Variants in ANKRD35 observed in about 807,000 individuals in gnomAD.
ANKRD35 encodes ankyrin repeat domain 35.
In ANKRD35, 102 loss-of-function variants were observed where a neutral mutation model predicts 109.9. The ratio of observed to expected loss-of-function variants is 0.93; its 90% CI spans 0.79 to 1.09. The LOEUF is 1.09. Among genes scored for constraint, ANKRD35 ranks in the 50% least tolerant of loss-of-function variants. The probability of loss-of-function intolerance (pLI) is 0.00; values close to 1 mark genes in which losing one functional copy is unlikely to be tolerated. For synonymous variants in ANKRD35, 515 were observed against 512.4 expected (o/e 1.01, Z -0.07); for missense variants, 1,240 against 1,230.1 (o/e 1.01, Z -0.12).
At chr1:145,885,354 G>A (rs1390837890) in intron 1 of ANKRD35, among the ~76,000 whole-genome samples, 1 of 152,118 alleles carries the variant, frequency 6.6e-6, no homozygotes, top group Non-Finnish European at 1.5e-5. Flanking sequence ...CTTGAGGCCA[G>A]GCAGGGGCTG....
rs184713985 is a variant in ANKRD35 at position 145,867,197 on chromosome 1, G to A, written c.*43+90C>T. 41 of 857,760 alleles carry A rather than the reference G, an allele frequency of 4.8e-5. No homozygotes were observed. In the African/African-American group the frequency reaches 6.5e-4, roughly 14 times the overall value. The allele number at this position is 857,760 out of a possible 1,614,324, so 53.1% of individuals were successfully genotyped here. A position where few individuals can be genotyped will look rare whatever the true frequency, so the allele number is the denominator to read the frequency against. On this transcript the variant is annotated intron_variant, in intron 13 of 13. Transcript: ENST00000355594. ...AGGCTCCCCATTGTCAGCCACCACG[G>A]GGGCAAAAGGGACTAATTTCATTCC...
rs781984335 is a variant in ANKRD35 at position 145,872,790 on chromosome 1, G to A, written c.1979C>T (p.Pro660Leu). The change falls in exon 10 of 14, where the codon CCA becomes CTA. Residue 660 changes from proline (P) to leucine (L), a missense_variant. Transcript: ENST00000355594. ...QRLQREFVPK[P>L]QAQVQLQQLR... ...CTGCTGTAGCTGGACCTGCGCCTGT[G>A]GCTTGGGCACAAACTCCCGCTGCAG... is the stretch of plus-strand genomic sequence containing the variant. The A allele has an allele frequency of 1.2e-6, 2 of 1,613,906 alleles. No homozygotes were observed. The highest frequency in any genetic ancestry group is 2.2e-5 in the East Asian group (1 of 44,888).
chr1:145,872,629 C>T lies in ANKRD35; in HGVS notation c.2140G>A (p.Gly714Ser), dbSNP rs1173149317. 1 of 1,614,030 alleles carries T rather than the reference C, an allele frequency of 6.2e-7. No homozygotes were observed. The highest frequency in any genetic ancestry group is 8.5e-7 in the Non-Finnish European group (1 of 1,179,956). Reference protein sequence around the residue: ...LWDCLPADLVGERSAQSKAAE... With the variant: ...LWDCLPADLVSERSAQSKAAE... The stretch of plus-strand genomic sequence containing the variant: ...GCTTTGCTTTGTGCACTCCTCTCGC[C>T]CACTAGGTCTGCGGGCAGGCAGTCC... Residue 714 changes from glycine (G) to serine (S), a missense_variant, in exon 10 of 14, where the codon GGC (glycine) becomes AGC (serine). Gly to Ser is a moderately conservative substitution (Grantham distance 56, BLOSUM62 0). Coordinates refer to ENST00000355594, the MANE Select transcript of ANKRD35 (RefSeq NM_144698.5).
intron 7 of ANKRD35, among the ~76,000 whole-genome samples, chr1:145,875,570 G>C (rs1156647374): frequency 1.3e-5 from 2 of 150,166 alleles, no homozygotes; most frequent in Non-Finnish European, 3.0e-5. Context: ...TTTTGAGACG[G>C]AGTCTCGCTC....
chr1:145,880,016 G>A (rs911997637), intron 1 of ANKRD35, among the ~76,000 whole-genome samples: 4 of 152,126 alleles, frequency 2.6e-5, no homozygotes, highest in Admixed American at 6.5e-5. Flanking sequence ...TTTGGCGACC[G>A]TCTCTCTCCT....
rs782513441 is a variant in ANKRD35, at chr1:145,872,739, G to A, written c.2030C>T (p.Thr677Ile). The change falls in exon 10 of 14, where the codon ACA (threonine) becomes ATA (isoleucine). Residue 677 changes from threonine to isoleucine, a missense_variant. Physicochemically the swap from Thr to Ile is moderately conservative, Grantham distance 89. Coordinates refer to ENST00000355594, the MANE Select transcript of ANKRD35 (RefSeq NM_144698.5). ...CTCCTTCTCCATGGCCAGTTCATTTGTCAGCAGCCCCACACTCTGTCGCAA... is the reference window on the plus strand; with the variant it reads ...CTCCTTCTCCATGGCCAGTTCATTTATCAGCAGCCCCACACTCTGTCGCAA... ...QQLRQSVGLLTNELAMEKEAT... is the reference protein window; with the variant it reads ...QQLRQSVGLLINELAMEKEAT... 4 of 1,614,078 alleles carry A rather than the reference G, an allele frequency of 2.5e-6. No homozygotes were observed. The South Asian group carries it at 3.3e-5, about 13-fold the overall frequency.
Position 145,871,153 on chromosome 1 carries a change from C to CTTTTTTTTTTTTT in ANKRD35, c.2787+816_2787+828dup, listed in dbSNP as rs59433424. Among the ~76,000 whole-genome samples, 400 of 78,124 alleles carry CTTTTTTTTTTTTT rather than the reference C, an allele frequency of 5.1e-3. 20 individuals carry two copies. Among genetic ancestry groups the CTTTTTTTTTTTTT allele is most frequent in the Non-Finnish European group, 8.2e-3 (321 of 38,954 alleles). The allele number at this position is 78,124 out of a possible 152,430, so 51.3% of individuals were successfully genotyped here. ...TCTTTCTTTCTTTCTTTTCTTTTTT[C>CTTTTTTTTTTTTT]TTTTTTTTTTTTTTTTTTTTTTTTT... On this transcript the variant is annotated intron_variant, in intron 10 of 13. Transcript: ENST00000355594.
intron 13 of ANKRD35, among the ~76,000 whole-genome samples, chr1:145,867,078 C>T (rs80185512): frequency 6.6e-6 from 1 of 152,164 alleles, no homozygotes; most frequent in Non-Finnish European, 1.5e-5. Context: ...CATAAGTCAG[C>T]CCCCTTAGTC....
chr1:145,879,478 G>A, intron 1 of ANKRD35, 90 bp from the exon 2 acceptor site: 3 of 1,319,096 alleles, frequency 2.3e-6, no homozygotes, highest in South Asian at 2.2e-5. Flanking sequence ...CCAAATGAGA[G>A]AAAAGGAACA....
chr1:145,873,085 G>T lies in ANKRD35; in HGVS notation c.1684C>A (p.Pro562Thr), dbSNP rs2101706738. ...GCTCCCTCTCTGGACTCCTGGGAAG[G>T]AACCTCAGGTTTCACCTGTAGTCCT... Reference protein sequence around the residue: ...KAGLQVKPEVPSQESREGALK... With the variant: ...KAGLQVKPEVTSQESREGALK... Residue 562 changes from proline (P) to threonine (T), a missense_variant, in exon 10 of 14, where the codon CCT (proline) becomes ACT (threonine). Coordinates refer to ENST00000355594, the MANE Select transcript of ANKRD35 (RefSeq NM_144698.5). The T allele has an allele frequency of 6.2e-7, 1 of 1,612,792 alleles. No individual in the cohort carries two copies. The highest frequency in any genetic ancestry group is 1.3e-5 in the African/African-American group (1 of 74,958).
chr1:145,874,078 A>C (rs782610310), intron 9 of ANKRD35, 77 bp downstream of exon 9: 164 of 1,610,050 alleles, frequency 1.0e-4, no homozygotes, highest in Non-Finnish European at 1.4e-4. Flanking sequence ...TGACACCCCA[A>C]GGACCACTAG....
rs1408259991 is a variant in ANKRD35, at chr1:145,878,391, C to T, written c.259G>A (p.Gly87Arg). 1.3e-6 allele frequency: 2 copies of T among 1,564,288 alleles called. No homozygotes were observed. Among genetic ancestry groups the T allele is most frequent in the Non-Finnish European group, 8.7e-7 (1 of 1,153,628 alleles). ...TGGCCCAGTGCTCCGGCTCACTCAC[C>T]ATCCTCATTCTTGCTGTTGATGTCA... ...GADINSKNEDGSTALHLATIS... is the reference protein window; with the variant it reads ...GADINSKNEDRSTALHLATIS... The change falls in exon 3 of 14, where the codon GGA becomes AGA. Residue 87 changes from glycine to arginine, a missense_variant and splice_region_variant. Transcript: ENST00000355594.
intron 12 of ANKRD35, among the ~76,000 whole-genome samples, chr1:145,867,624 T>A (rs1559170192): frequency 6.6e-6 from 1 of 152,190 alleles, no homozygotes; most frequent in Non-Finnish European, 1.5e-5. Context: ...AAGCACCAGG[T>A]ACACAATAGG....
At chr1:145,867,463 T>A (rs1653649968) in intron 12 of ANKRD35, 71 bp from the exon 13 acceptor site, 2 of 1,345,674 alleles carry the variant, frequency 1.5e-6, no homozygotes, top group Non-Finnish European at 2.1e-6. Context: ...GAGGGAGAGG[T>A]TCTGTGGTAC....
At position 145,872,409 on chromosome 1, in the gene ANKRD35, C is replaced by G; in HGVS notation, c.2360G>C (p.Gly787Ala). 6.2e-7 allele frequency: 1 copy of G among 1,613,322 alleles called. No homozygotes were observed. Among genetic ancestry groups the G allele is most frequent in the Non-Finnish European group, 8.5e-7 (1 of 1,179,886 alleles). Residue 787 changes from glycine (G) to alanine (A), a missense_variant, in exon 10 of 14, where the codon GGG becomes GCG. Coordinates refer to ENST00000355594, the MANE Select transcript of ANKRD35 (RefSeq NM_144698.5). ...PQVAALEQDLGKLEEELRAVQ... is the reference protein window; with the variant it reads ...PQVAALEQDLAKLEEELRAVQ... ...TGCCCGCAGCTCTTCCTCCAGCTTC[C>G]CCAGGTCTTGCTCCAGAGCGGCCAC...
intron 1 of ANKRD35, among the ~76,000 whole-genome samples, chr1:145,882,296 C>CTTTTTTTTT (rs57073568): frequency 3.9e-5 from 4 of 103,548 alleles, no homozygotes; most frequent in Non-Finnish European, 6.0e-5. Flanking sequence ...TCTTTCTTTC[C>CTTTTTTTTT]TTTTTTTTTT....
intron 3 of ANKRD35, 123 bp from the exon 4 acceptor site, chr1:145,878,155 C>G: frequency 1.9e-6 from 2 of 1,043,740 alleles, no homozygotes; most frequent in South Asian, 1.4e-5. Flanking sequence ...TTCAGCCACA[C>G]GGGGCCAGAA....
rs373195265 is a variant in ANKRD35 at position 145,879,395 on chromosome 1, C to T, written c.40-7G>A. 179 of 1,554,174 alleles carry T rather than the reference C, an allele frequency of 1.2e-4. No individual in the cohort carries two copies. Among genetic ancestry groups the T allele is most frequent in the Non-Finnish European group, 1.5e-4 (173 of 1,147,644 alleles). On this transcript the variant is annotated splice_polypyrimidine_tract_variant and splice_region_variant and intron_variant, in intron 1 of 13. Coordinates refer to ENST00000355594, the MANE Select transcript of ANKRD35 (RefSeq NM_144698.5). ...GGCGGTTCCATCTCTCCACCTGGTC[C>T]AGAGCCACAGGTTGTGTGAATATAG...
chr1:145,867,878 C>T (rs1553737970), intron 12 of ANKRD35, 113 bp downstream of exon 12: 5 of 1,020,030 alleles, frequency 4.9e-6, no homozygotes, highest in Non-Finnish European at 7.6e-6. Context: ...ATCCAGCTTT[C>T]CGAGAAACAG....
Sources: gnomAD v4.1 joint callset for allele counts (sites outside exome capture counted in the v4.1 genomes callset) on GRCh38, gnomAD v4.1.1 for gene constraint, MANE v1.5 for transcripts, NCBI Gene and HGNC (gene_info 2026-07-23, HGNC 2026-07-21) for gene names.